The following KRT75 variants were observed in gnomAD, a reference collection of about 807,000 sequenced individuals.
KRT75 encodes the protein keratin, type II cytoskeletal 75.
KRT75 carries 35 observed loss-of-function variants against 48.8 expected under a neutral mutation model. The ratio of observed to expected loss-of-function variants is 0.72; its 90% CI spans 0.55 to 0.95. The LOEUF (loss-of-function observed/expected upper bound fraction) is 0.95. KRT75 is among the 40% of genes least tolerant of loss of function. The probability of loss-of-function intolerance (pLI) is 0.00; values close to 1 mark genes in which losing one functional copy is unlikely to be tolerated. For missense variants in KRT75, 776 were observed against 709.9 expected, an observed-to-expected ratio of 1.09 and a Z score of -1.06; for synonymous variants, 301 against 282.3, an observed-to-expected ratio of 1.07 and a Z score of -0.66.
At chr12:52,429,681 T>C (rs915340373) in intron 5 of KRT75, among the ~76,000 whole-genome samples, 1 of 152,176 alleles carries the variant, frequency 6.6e-6, no homozygotes, top group African/African-American at 2.4e-5. Flanking sequence ...CCTTTCACCG[T>C]CAAGGCGCTG....
intron 7 of KRT75, 130 bp downstream of exon 7, chr12:52,428,126 T>C: frequency 8.6e-7 from 1 of 1,166,986 alleles, no homozygotes; most frequent in Non-Finnish European, 1.2e-6. Flanking sequence ...TTTTTTGCCA[T>C]AGCCCAATTC....
chr12:52,424,776 G>A (rs1187792993), intron 8 of KRT75, 21 bp from the exon 9 acceptor site: 1 of 1,577,724 alleles, frequency 6.3e-7, no homozygotes, highest in South Asian at 1.1e-5. Context: ...GAGAGGAGGT[G>A]TGGTCAGATC....
At chr12:52,425,557 G>A (rs1263548784) in intron 8 of KRT75, among the ~76,000 whole-genome samples, 1 of 152,144 alleles carries the variant, frequency 6.6e-6, no homozygotes, top group Non-Finnish European at 1.5e-5. Flanking sequence ...AGACACACAG[G>A]GACACGGTCA....
chr12:52,433,714 G>T (rs933235850), intron 1 of KRT75, 93 bp downstream of exon 1: 13 of 1,581,174 alleles, frequency 8.2e-6, no homozygotes, highest in Non-Finnish European at 1.0e-5. Flanking sequence ...CCCACAGTGG[G>T]GTCATTGCAT....
chr12:52,426,082 G>A (rs1254764082), intron 8 of KRT75, among the ~76,000 whole-genome samples: 1 of 152,154 alleles, frequency 6.6e-6, no homozygotes, highest in Admixed American at 6.5e-5. Flanking sequence ...TTGCCCTTAT[G>A]AATGCCCATC....
At chr12:52,425,053 C>T (rs1402316633) in intron 8 of KRT75, among the ~76,000 whole-genome samples, 3 of 152,150 alleles carry the variant, frequency 2.0e-5, no homozygotes, top group South Asian at 2.1e-4. Flanking sequence ...CCTGCTGTGC[C>T]GTCTGGGTCT....
intron 7 of KRT75, among the ~76,000 whole-genome samples, chr12:52,427,933 C>T (rs1215986379): frequency 6.6e-6 from 1 of 152,094 alleles, no homozygotes; most frequent in Non-Finnish European, 1.5e-5. Context: ...AGCCCAAATC[C>T]TAGGACTGTT....
rs758845268 is a variant in KRT75, at chr12:52,434,018, C to G, written c.287G>C (p.Ser96Thr). The G allele has an allele frequency of 6.2e-7, 1 of 1,614,128 alleles. No homozygotes were observed. The highest frequency in any genetic ancestry group is 1.1e-5 in the South Asian group (1 of 91,082). The change falls in exon 1 of 9, where the codon AGT becomes ACT. Residue 96 changes from serine to threonine, a missense_variant. Transcript: ENST00000252245. The stretch of plus-strand genomic sequence containing the variant: ...AACTCCACCCCCATAGCCAAATCCA[C>G]TGTTGACTCCAAACCTGTTGCTGGC... ...GRASNRFGVN[S>T]GFGYGGGVGG...
At chr12:52,432,771 T>A (rs1481923688) in intron 2 of KRT75, among the ~76,000 whole-genome samples, 1 of 152,230 alleles carries the variant, frequency 6.6e-6, no homozygotes, top group Non-Finnish European at 1.5e-5. Context: ...ACATTATGAT[T>A]TCTAGAGTGA....
intron 8 of KRT75, among the ~76,000 whole-genome samples, chr12:52,425,502 A>T (rs1247896681): frequency 6.6e-6 from 1 of 152,194 alleles, no homozygotes; most frequent in Non-Finnish European, 1.5e-5. Context: ...ATCTAACATG[A>T]CTGGTGTCCA....
intron 4 of KRT75, among the ~76,000 whole-genome samples, chr12:52,431,141 G>T (rs1352881012): frequency 6.6e-6 from 1 of 151,444 alleles, no homozygotes; most frequent in African/African-American, 2.4e-5. Flanking sequence ...CCAGAATGAG[G>T]CATCTTCAAA....
At chr12:52,433,694 A>G in intron 1 of KRT75, 113 bp downstream of exon 1, 6 of 1,523,838 alleles carry the variant, frequency 3.9e-6, no homozygotes, top group Non-Finnish European at 5.4e-6. Context: ...CGTGCTGAAC[A>G]GTGCTCATTC....
At chr12:52,427,957 T>C (rs1019284696) in intron 7 of KRT75, among the ~76,000 whole-genome samples, 2 of 152,220 alleles carry the variant, frequency 1.3e-5, no homozygotes, top group African/African-American at 4.8e-5. Flanking sequence ...TCTCAGCCCA[T>C]GGCCTTTTAG....
rs1940052324 is a variant in KRT75 at position 52,424,537 on chromosome 12, G to A, written c.1636C>T (p.Gln546Ter). 1 of 1,614,112 alleles carries A rather than the reference G, an allele frequency of 6.2e-7. No homozygotes were observed. Among genetic ancestry groups the A allele is most frequent in the Non-Finnish European group, 8.5e-7 (1 of 1,179,988 alleles). The part of the protein sequence containing the change: ...VKFVSTTSSS[Q>*]KSYTH The stretch of plus-strand genomic sequence containing the variant: ...CTCTCTTAGTGCGTGTAGCTCTTCT[G>A]GCTGGAGGATGTGGTGGAGACAAAC... The change falls in exon 9 of 9, where the codon CAG (glutamine) becomes TAG (stop). Residue 546 changes from glutamine to a stop codon, truncating the protein, a stop_gained. Transcript: ENST00000252245. LOFTEE classifies it high-confidence loss of function.
Position 52,431,628 on chromosome 12 carries a change from G to T in KRT75, c.785C>A (p.Ala262Asp). 6.2e-7 allele frequency: 1 copy of T among 1,613,158 alleles called. No homozygotes were observed. Among genetic ancestry groups the T allele is most frequent in the Non-Finnish European group, 8.5e-7 (1 of 1,179,076 alleles). Residue 262 changes from alanine to aspartate, a missense_variant, in exon 4 of 9, where the codon GCT becomes GAT. Physicochemically the swap from Ala to Asp is moderately radical, Grantham distance 126. Coordinates refer to ENST00000252245, the MANE Select transcript of KRT75 (RefSeq NM_004693.3). Reference sequence around the variant, plus strand: ...CAGCTCCACCTTGTTCATATAGGCAGCATCTACGTCCTGGAATGACAGCGC... The same window carrying T: ...CAGCTCCACCTTGTTCATATAGGCATCATCTACGTCCTGGAATGACAGCGC... Reference protein sequence around the residue: ...EFVALKKDVDAAYMNKVELEA... With the variant: ...EFVALKKDVDDAYMNKVELEA...
chr12:52,428,302 C>T lies in KRT75; in HGVS notation c.1336G>A (p.Val446Met), dbSNP rs747423318. Residue 446 changes from valine to methionine, a missense_variant, in exon 7 of 9, where the codon GTG (valine) becomes ATG (methionine). Physicochemically the swap from Val to Met is conservative, Grantham distance 21. Coordinates refer to ENST00000252245, the MANE Select transcript of KRT75 (RefSeq NM_004693.3). ...ELMNIKLALD[V>M]EIATYRKLLE... ...AGCTTGCGGTAGGTGGCGATCTCCA[C>T]GTCCAGGGCCAGCTTGATGTTCATC... 130 of 1,614,138 alleles carry T rather than the reference C, an allele frequency of 8.1e-5. No homozygotes were observed. The Admixed American group carries it at 1.4e-3, about 17-fold the overall frequency.
chr12:52,426,921 ACTTT>A, intron 7 of KRT75, 70 bp from the exon 8 acceptor site: 1 of 1,293,280 alleles, frequency 7.7e-7, no homozygotes, highest in Non-Finnish European at 1.1e-6. Context: ...TTGCAATGAC[ACTTT>A]TGTAATTGTT....
chr12:52,432,363 G>A (rs1375990734), intron 2 of KRT75, among the ~76,000 whole-genome samples: 1 of 152,174 alleles, frequency 6.6e-6, no homozygotes, highest in African/African-American at 2.4e-5. Context: ...AATCTAAAAT[G>A]TTTTTCCACC....
intron 6 of KRT75, 25 bp from the exon 7 acceptor site, chr12:52,428,501 A>G: frequency 1.2e-6 from 2 of 1,612,120 alleles, no homozygotes; most frequent in Non-Finnish European, 1.7e-6. Context: ...GGAAGCCATG[A>G]GTCCTGCTGA....
Sources: gnomAD v4.1 joint callset for allele counts (sites outside exome capture counted in the v4.1 genomes callset) on GRCh38, gnomAD v4.1.1 for gene constraint, MANE v1.5 for transcripts, NCBI Gene and HGNC (gene_info 2026-07-23, HGNC 2026-07-21) for gene names.